UBE2L3: variants seen among roughly 807,000 people sequenced by gnomAD.
The protein encoded by UBE2L3 is ubiquitin-conjugating enzyme E2 L3.
A neutral mutation model predicts 17.8 loss-of-function variants in UBE2L3; 1 was observed. The observed-to-expected ratio is 0.06, with a 90% CI of 0.02 to 0.27. The LOEUF (loss-of-function observed/expected upper bound fraction) is 0.27, where lower values mean the gene tolerates loss of function less well. Among genes scored for constraint, UBE2L3 ranks in the 10% least tolerant of loss-of-function variants. UBE2L3 has a pLI of 1.00. For synonymous variants in UBE2L3, 44 were observed against 68.5 expected, an observed-to-expected ratio of 0.64 and a Z score of 1.76; for missense variants, 40 against 192.6, an observed-to-expected ratio of 0.21 and a Z score of 4.69.
intron 1 of UBE2L3, among the ~76,000 whole-genome samples, chr22:21,589,886 C>T (rs1390572522): frequency 2.0e-5 from 3 of 152,130 alleles, no homozygotes; most frequent in African/African-American, 7.2e-5. Flanking sequence ...ATTCTCTGAG[C>T]TTCCCAACCC....
chr22:21,609,046 C>G (rs963787867), intron 2 of UBE2L3, among the ~76,000 whole-genome samples: 4 of 152,084 alleles, frequency 2.6e-5, no homozygotes, highest in Non-Finnish European at 4.4e-5. Flanking sequence ...AGGCGCCCAC[C>G]ACCACGTCCA....
intron 2 of UBE2L3, among the ~76,000 whole-genome samples, chr22:21,605,225 G>C (rs1929085441): frequency 6.6e-6 from 1 of 152,278 alleles, no homozygotes; most frequent in African/African-American, 2.4e-5. Flanking sequence ...AGAACACCTT[G>C]CTCTATCGCC....
intron 1 of UBE2L3, among the ~76,000 whole-genome samples, chr22:21,589,427 G>A (rs986588934): frequency 1.3e-5 from 2 of 152,156 alleles, no homozygotes; most frequent in Admixed American, 6.5e-5. Context: ...GATTACAGGC[G>A]TGAACCACTG....
chr22:21,557,753 C>T (rs1473393220), intron 1 of UBE2L3, among the ~76,000 whole-genome samples: 1 of 152,272 alleles, frequency 6.6e-6, no homozygotes, highest in African/African-American at 2.4e-5. Context: ...GATCTCCTGA[C>T]CTCGTGATCC....
intron 1 of UBE2L3, among the ~76,000 whole-genome samples, chr22:21,586,873 G>C (rs1044602875): frequency 7.2e-6 from 1 of 139,350 alleles, no homozygotes; most frequent in Non-Finnish European, 1.5e-5. Context: ...ACTGTGCCCG[G>C]CCTTTTTTTT....
chr22:21,603,117 G>C (rs1928949270), intron 2 of UBE2L3, among the ~76,000 whole-genome samples: 1 of 152,132 alleles, frequency 6.6e-6, no homozygotes, highest in African/African-American at 2.4e-5. Flanking sequence ...AGGTTGAAAT[G>C]ATCAACTCTT....
chr22:21,605,146 T>C (rs1392241207), intron 2 of UBE2L3, among the ~76,000 whole-genome samples: 1 of 152,118 alleles, frequency 6.6e-6, no homozygotes, highest in African/African-American at 2.4e-5. Context: ...TTTAAAAAAA[T>C]TGTTAGCAAC....
intron 3 of UBE2L3, among the ~76,000 whole-genome samples, chr22:21,611,841 T>C (rs962960642): frequency 1.3e-5 from 2 of 152,166 alleles, no homozygotes. Context: ...GTATAAAGTC[T>C]GTTTAGATTA....
At chr22:21,556,588 C>G (rs1407067882) in intron 1 of UBE2L3, among the ~76,000 whole-genome samples, 3 of 152,136 alleles carry the variant, frequency 2.0e-5, no homozygotes, top group Non-Finnish European at 4.4e-5. Context: ...CACCACCATG[C>G]CCGGCTAATT....
At chr22:21,594,608 G>A (rs962372556) in intron 2 of UBE2L3, among the ~76,000 whole-genome samples, 3 of 151,976 alleles carry the variant, frequency 2.0e-5, no homozygotes, top group Admixed American at 6.6e-5. Flanking sequence ...GATATGCTTT[G>A]TAATGATTTA....
intron 3 of UBE2L3, among the ~76,000 whole-genome samples, chr22:21,618,980 C>T (rs1429249879): frequency 3.3e-5 from 5 of 152,164 alleles, no homozygotes; most frequent in East Asian, 1.9e-4. Context: ...GTGCCCCTAA[C>T]GAAGTACTCA....
At chr22:21,556,822 G>A (rs1161536159) in intron 1 of UBE2L3, among the ~76,000 whole-genome samples, 10 of 152,278 alleles carry the variant, frequency 6.6e-5, no homozygotes, top group Admixed American at 4.6e-4. Flanking sequence ...TAAGGAGGCC[G>A]AGGTGGGCAG....
chr22:21,579,876 G>A (rs1308515199), intron 1 of UBE2L3, among the ~76,000 whole-genome samples: 2 of 152,196 alleles, frequency 1.3e-5, no homozygotes, highest in South Asian at 4.1e-4. Flanking sequence ...TGATAGACCA[G>A]TTATACTGGA....
chr22:21,613,962 G>A (rs1929638071), intron 3 of UBE2L3, among the ~76,000 whole-genome samples: 1 of 152,188 alleles, frequency 6.6e-6, no homozygotes, highest in South Asian at 2.1e-4. Flanking sequence ...TTTTGGTCAG[G>A]CAAGTCCAGA....
intron 2 of UBE2L3, among the ~76,000 whole-genome samples, chr22:21,606,293 T>C (rs458464): frequency 0.99 from 150,990 of 152,178 alleles, 75,004 homozygotes; most frequent in African/African-American, 1. Flanking sequence ...CAGGAAAGTG[T>C]GCGCGCGCGC....
At position 21,567,849 on chromosome 22, in the gene UBE2L3, C is replaced by T. The variant is rs1231016128; in HGVS notation, c.27+78C>T. 9 of 1,550,812 alleles carry T rather than the reference C, an allele frequency of 5.8e-6. No homozygotes were observed. The Admixed American group carries it at 1.8e-4, about 30-fold the overall frequency. On this transcript the variant is annotated intron_variant, in intron 1 of 3. Coordinates refer to ENST00000342192, the MANE Select transcript of UBE2L3 (RefSeq NM_003347.4). Reference sequence around the variant, plus strand: ...GGATCCCCGAGGCAGGCGGCGGCTTCTCAGGGCGCTGCCGTCTGGCTTCCT... The same window carrying T: ...GGATCCCCGAGGCAGGCGGCGGCTTTTCAGGGCGCTGCCGTCTGGCTTCCT...
At chr22:21,591,690 GAGCCCCCA>G (rs1488918581) in intron 1 of UBE2L3, among the ~76,000 whole-genome samples, 1 of 152,148 alleles carries the variant, frequency 6.6e-6, no homozygotes, top group African/African-American at 2.4e-5. Context: ...GGCTGATAGG[GAGCCCCCA>G]AGCCACTGTG....
chr22:21,564,150 T>G (rs1926553525), upstream of UBE2L3, among the ~76,000 whole-genome samples: 1 of 151,072 alleles, frequency 6.6e-6, no homozygotes, highest in African/African-American at 2.4e-5. Flanking sequence ...ATCCTCTCAC[T>G]TCAGCCTCCC....
At chr22:21,608,215 A>T (rs1420944741) in intron 2 of UBE2L3, among the ~76,000 whole-genome samples, 4 of 152,206 alleles carry the variant, frequency 2.6e-5, no homozygotes, top group Non-Finnish European at 4.4e-5. Flanking sequence ...GCCACCTTGG[A>T]AGACAAGTTA....
Sources: gnomAD v4.1 joint callset for allele counts (sites outside exome capture counted in the v4.1 genomes callset) on GRCh38, gnomAD v4.1.1 for gene constraint, MANE v1.5 for transcripts, NCBI Gene and HGNC (gene_info 2026-07-23, HGNC 2026-07-21) for gene names.